The following CACNA1C variants were observed in gnomAD, a reference collection of about 807,000 sequenced individuals.
CACNA1C encodes the protein calcium voltage-gated channel subunit alpha1 C.
A neutral mutation model predicts 229.0 loss-of-function variants in CACNA1C; 30 were observed. The ratio of observed to expected loss-of-function variants is 0.13; its 90% confidence interval spans 0.10 to 0.18. CACNA1C has a LOEUF of 0.18. Ranked by LOEUF, CACNA1C falls within the 10% of genes least tolerant of loss-of-function variation. The pLI, the probability that CACNA1C is intolerant of heterozygous loss-of-function variation, is 1.00. For synonymous variants in CACNA1C, 1,114 were observed against 1,132.5 expected (o/e 0.98, Z 0.33); for missense variants, 1,658 against 2,845.0 (o/e 0.58, Z 9.49).
intron 4 of CACNA1C, among the ~76,000 whole-genome samples, chr12:2,456,502 A>G (rs1234971975): frequency 6.6e-6 from 1 of 152,038 alleles, no homozygotes; most frequent in Non-Finnish European, 1.5e-5. Flanking sequence ...CCTCTCCCAC[A>G]GTTCTCCCCT....
chr12:2,116,830 A>G (rs1212318100), intron 2 of CACNA1C, among the ~76,000 whole-genome samples: 1 of 152,230 alleles, frequency 6.6e-6, no homozygotes, highest in African/African-American at 2.4e-5. Context: ...TCCTCCAGGC[A>G]GGACTGCTGT....
chr12:2,165,055 C>T (rs553006776), intron 3 of CACNA1C, among the ~76,000 whole-genome samples: 10 of 152,282 alleles, frequency 6.6e-5, no homozygotes, highest in African/African-American at 1.7e-4. Context: ...CTAATAAGAA[C>T]ACTAGCAGTA....
At chr12:2,373,585 C>T (rs945052224) in intron 3 of CACNA1C, among the ~76,000 whole-genome samples, 1 of 151,894 alleles carries the variant, frequency 6.6e-6, no homozygotes, top group Non-Finnish European at 1.5e-5. Flanking sequence ...AGGAGTTTGG[C>T]GTGGATTCAG....
chr12:2,120,262 G>A lies in CACNA1C; in HGVS notation c.372-63G>A. On this transcript the variant is annotated intron_variant, in intron 2 of 46. Coordinates refer to ENST00000399655, the MANE Select transcript of CACNA1C (RefSeq NM_000719.7). ...ATCTTTGATTCATTTTAAAAAATATGTAGATTATGTTTGTTTCACTTGTAC... is the reference window on the plus strand; with the variant it reads ...ATCTTTGATTCATTTTAAAAAATATATAGATTATGTTTGTTTCACTTGTAC... 5 of 846,798 alleles carry A rather than the reference G, an allele frequency of 5.9e-6. No homozygotes were observed. In the Admixed American group the frequency reaches 8.7e-5, roughly 15 times the overall value. 52.5% of individuals were successfully genotyped at this position (846,798 alleles called of 1,614,324 possible). A position where few individuals can be genotyped will look rare whatever the true frequency, so the allele number is the denominator to read the frequency against.
In CACNA1C at chr12:2,077,740, A is replaced by G. The variant is rs74783715; in HGVS notation, c.49+24129A>G. Among the ~76,000 whole-genome samples, 1,203 of 152,294 alleles carry G rather than the reference A, an allele frequency of 7.9e-3. 13 individuals carry two copies. Among genetic ancestry groups the G allele is most frequent in the African/African-American group, 0.028 (1,151 of 41,560 alleles). On this transcript the variant is annotated intron_variant, in intron 1 of 46. Coordinates refer to ENST00000399655, the MANE Select transcript of CACNA1C (RefSeq NM_000719.7). ...CCTTGCATAAAGCCCAGAACCTTAAAGAGCTTCCTGTTCAGAGAAGGGAGA... is the reference window on the plus strand; with the variant it reads ...CCTTGCATAAAGCCCAGAACCTTAAGGAGCTTCCTGTTCAGAGAAGGGAGA...
chr12:2,503,163 C>T (rs1288925035), intron 7 of CACNA1C, among the ~76,000 whole-genome samples: 2 of 152,300 alleles, frequency 1.3e-5, no homozygotes, highest in East Asian at 3.9e-4. Flanking sequence ...GTAGGGCCGT[C>T]AAAACGTGGG....
At chr12:2,110,785 C>T (rs375589833) in intron 1 of CACNA1C, among the ~76,000 whole-genome samples, 4 of 152,198 alleles carry the variant, frequency 2.6e-5, no homozygotes, top group Admixed American at 1.3e-4. Flanking sequence ...GATTATAGAA[C>T]GTTTCCATTA....
At chr12:2,652,451 T>G (rs1455151417) in intron 32 of CACNA1C, among the ~76,000 whole-genome samples, 1 of 152,234 alleles carries the variant, frequency 6.6e-6, no homozygotes, top group East Asian at 1.9e-4. Flanking sequence ...TTCCCCCAGA[T>G]GAGCGCAGAA....
chr12:2,082,446 A>G (rs1235409754), intron 1 of CACNA1C, among the ~76,000 whole-genome samples: 1 of 152,108 alleles, frequency 6.6e-6, no homozygotes, highest in Non-Finnish European at 1.5e-5. Flanking sequence ...TGCTTTCAAC[A>G]AGACTGGGCC....
chr12:2,415,947 G>C (rs1486308001), intron 3 of CACNA1C, among the ~76,000 whole-genome samples: 2 of 152,074 alleles, frequency 1.3e-5, no homozygotes, highest in Admixed American at 1.3e-4. Context: ...CTGACTGCAG[G>C]CTTCTCTTCC....
chr12:2,090,017 A>G (rs528169543), intron 1 of CACNA1C, among the ~76,000 whole-genome samples: 1 of 152,214 alleles, frequency 6.6e-6, no homozygotes, highest in East Asian at 1.9e-4. Context: ...TGACAGTGTG[A>G]GACTCCGTCT....
At chr12:2,522,983 C>T (rs570189707) in intron 9 of CACNA1C, among the ~76,000 whole-genome samples, 2 of 152,300 alleles carry the variant, frequency 1.3e-5, no homozygotes, top group South Asian at 4.1e-4. Flanking sequence ...AGCCCCCTCA[C>T]GAATGCCCTT....
At chr12:2,455,665 C>T (rs1039645389) in intron 4 of CACNA1C, among the ~76,000 whole-genome samples, 4 of 152,146 alleles carry the variant, frequency 2.6e-5, no homozygotes, top group African/African-American at 9.7e-5. Context: ...TGTTTGTCCA[C>T]ATCACTCCAC....
At chr12:2,039,773 G>T (rs1158682800) in intron 1 of CACNA1C, among the ~76,000 whole-genome samples, 1 of 152,134 alleles carries the variant, frequency 6.6e-6, no homozygotes, top group African/African-American at 2.4e-5. Context: ...GTTTGGGTGT[G>T]GGAGGGGAGA....
At chr12:2,648,552 C>G (rs1202997991) in intron 31 of CACNA1C, 45 bp downstream of exon 31, 2 of 1,582,610 alleles carry the variant, frequency 1.3e-6, no homozygotes, top group African/African-American at 1.3e-5. Flanking sequence ...CCGTGTCCCC[C>G]TCTAACACCC....
intron 3 of CACNA1C, among the ~76,000 whole-genome samples, chr12:2,218,433 G>A (rs1351317036): frequency 2.0e-5 from 3 of 152,150 alleles, no homozygotes; most frequent in African/African-American, 7.2e-5. Context: ...GAAAGACAGG[G>A]ATATTTTTCC....
chr12:2,665,098 GC>G lies in CACNA1C; in HGVS notation c.4398+109del, dbSNP rs1288888292. ...TGGTCAGGGCAACCCTATCAGAGGA[GC>G]TGGCTTGGGAAGACTAAGTTGGCAG... On this transcript the variant is annotated intron_variant, in intron 35 of 46. Transcript: ENST00000399655. The surrounding 1 kb of genome is among the most constrained non-coding windows in gnomAD (Gnocchi z 5.9). The G allele has an allele frequency of 5.7e-6, 7 of 1,220,152 alleles. No homozygotes were observed. Among genetic ancestry groups the G allele is most frequent in the African/African-American group, 4.5e-5 (3 of 67,166 alleles). The allele number at this position is 1,220,152 out of a possible 1,614,324, so 75.6% of individuals were successfully genotyped here.
intron 1 of CACNA1C, among the ~76,000 whole-genome samples, chr12:2,090,015 T>A (rs1306073535): frequency 1.3e-5 from 2 of 152,020 alleles, no homozygotes; most frequent in African/African-American, 4.8e-5. Flanking sequence ...GGTGACAGTG[T>A]GAGACTCCGT....
chr12:2,011,845 G>C (rs149977833), intron 1 of CACNA1C, among the ~76,000 whole-genome samples: 2 of 152,324 alleles, frequency 1.3e-5, no homozygotes, highest in Non-Finnish European at 2.9e-5. Context: ...CATCCTGTAG[G>C]TGGCTTCCTG....
Sources: gnomAD v4.1 joint callset for allele counts (sites outside exome capture counted in the v4.1 genomes callset) on GRCh38, gnomAD v4.1.1 for gene constraint, Gnocchi (gnomAD v3.1) non-coding constraint, MANE v1.5 for transcripts, NCBI Gene and HGNC (gene_info 2026-07-23, HGNC 2026-07-21) for gene names.